Variants in NRROS observed in about 807,000 individuals in gnomAD.
NRROS encodes transforming growth factor beta activator LRRC33.
In NRROS, 6 loss-of-function variants were observed where a neutral mutation model predicts 12.0. The observed-to-expected ratio is 0.50, with a 90% CI of 0.27 to 0.98. The LOEUF is 0.98. Ranked by LOEUF, NRROS falls within the 50% of genes least tolerant of loss-of-function variation. The probability of loss-of-function intolerance (pLI) is 0.11; values close to 1 mark genes in which losing one functional copy is unlikely to be tolerated. For missense variants in NRROS, 857 were observed against 888.2 expected (o/e 0.96, Z 0.45); for synonymous variants, 462 against 410.2 (o/e 1.13, Z -1.53).
Position 196,660,328 on chromosome 3 carries a change from C to CG in NRROS, c.688dup (p.Val230GlyfsTer197). The CG allele has an allele frequency of 6.2e-7, 1 of 1,613,996 alleles. No individual in the cohort carries two copies. Among genetic ancestry groups the CG allele is most frequent in the Non-Finnish European group, 8.5e-7 (1 of 1,180,014 alleles). Reference sequence around the variant, plus strand: ...CGTGGACTTCGGGCTCACGCGGCTGCGGGTCCTCAACGTCAGCTACAACGT... The same window carrying CG: ...CGTGGACTTCGGGCTCACGCGGCTGCGGGGTCCTCAACGTCAGCTACAACGT... On this transcript the variant is annotated frameshift_variant, in exon 3 of 3. Transcript: ENST00000328557. LOFTEE classifies it low-confidence loss of function (END_TRUNC). The surrounding 1 kb of genome is among the most constrained non-coding windows in gnomAD (Gnocchi z 7.7).
At chr3:196,650,450 G>C (rs1417126304) in intron 1 of NRROS, among the ~76,000 whole-genome samples, 1 of 151,806 alleles carries the variant, frequency 6.6e-6, no homozygotes, top group African/African-American at 2.4e-5. Context: ...GGCCATTTTT[G>C]TATTTTTTTT....
chr3:196,658,742 A>G (rs976007488), intron 2 of NRROS, among the ~76,000 whole-genome samples: 1 of 152,188 alleles, frequency 6.6e-6, no homozygotes, highest in East Asian at 1.9e-4. Context: ...CGAGGCAGGC[A>G]GATCACCTGA....
At position 196,662,004 on chromosome 3, in the gene NRROS, A is replaced by C; in HGVS notation, c.*282A>C. 1 of 283,040 alleles carries C rather than the reference A, an allele frequency of 3.5e-6. No homozygotes were observed. Among genetic ancestry groups the C allele is most frequent in the Non-Finnish European group, 6.3e-6 (1 of 158,644 alleles). 17.5% of individuals were successfully genotyped at this position (283,040 alleles called of 1,614,324 possible). Reference sequence around the variant, plus strand: ...GTCTCATAAATATTTTTTAAATTAAATGCAGCTTGTGTTTTTTTTTATTGT... The same window carrying C: ...GTCTCATAAATATTTTTTAAATTAACTGCAGCTTGTGTTTTTTTTTATTGT... On this transcript the variant is annotated 3_prime_UTR_variant, in exon 3 of 3. Transcript: ENST00000328557.
chr3:196,650,987 G>A (rs1160051756), intron 1 of NRROS, among the ~76,000 whole-genome samples: 3 of 152,198 alleles, frequency 2.0e-5, no homozygotes, highest in African/African-American at 7.2e-5. Flanking sequence ...GCACACTCTG[G>A]CTTAGATGCC....
chr3:196,660,319 A>G lies in NRROS; in HGVS notation c.676A>G (p.Thr226Ala). 6.2e-7 allele frequency: 1 copy of G among 1,613,948 alleles called. No homozygotes were observed. Among genetic ancestry groups the G allele is most frequent in the Non-Finnish European group, 8.5e-7 (1 of 1,179,976 alleles). Residue 226 changes from threonine to alanine, a missense_variant, in exon 3 of 3, where the codon ACG becomes GCG. Transcript: ENST00000328557. The surrounding 1 kb of genome is among the most constrained non-coding windows in gnomAD (Gnocchi z 7.7). ...CCCCTGCATCGTGGACTTCGGGCTCACGCGGCTGCGGGTCCTCAACGTCAG... is the reference window on the plus strand; with the variant it reads ...CCCCTGCATCGTGGACTTCGGGCTCGCGCGGCTGCGGGTCCTCAACGTCAG... ...NLPCIVDFGL[T>A]RLRVLNVSYN...
intron 1 of NRROS, among the ~76,000 whole-genome samples, chr3:196,640,325 C>T (rs556919200): frequency 2.6e-5 from 4 of 152,288 alleles, no homozygotes; most frequent in African/African-American, 9.6e-5. Context: ...GCACTGGGCT[C>T]TCCTTTCCTG....
At chr3:196,643,073 C>CAA (rs10719005) in intron 1 of NRROS, among the ~76,000 whole-genome samples, 1 of 129,366 alleles carries the variant, frequency 7.7e-6, no homozygotes, top group Non-Finnish European at 1.7e-5. Flanking sequence ...AATTCTGTCT[C>CAA]AAAAAAAAAA....
rs1737670688 is a variant in NRROS, at chr3:196,661,234, G to C, written c.1591G>C (p.Asp531His). The C allele has an allele frequency of 3.1e-6, 5 of 1,614,012 alleles. No individual in the cohort carries two copies. The East Asian group carries it at 1.1e-4, about 36-fold the overall frequency. The change falls in exon 3 of 3, where the codon GAC becomes CAC. Residue 531 changes from aspartate to histidine, a missense_variant. Coordinates refer to ENST00000328557, the MANE Select transcript of NRROS (RefSeq NM_198565.3). ...MGLHSSFMAL[D>H]FSGFGNLRDL... ...CCTCCACTCCAGCTTTATGGCGTTGGACTTCTCTGGGTTTGGGAATCTCAG... is the reference window on the plus strand; with the variant it reads ...CCTCCACTCCAGCTTTATGGCGTTGCACTTCTCTGGGTTTGGGAATCTCAG...
chr3:196,651,969 G>A (rs562707676), intron 1 of NRROS, among the ~76,000 whole-genome samples: 73 of 152,234 alleles, frequency 4.8e-4, no homozygotes, highest in African/African-American at 1.6e-3. Flanking sequence ...TTTGTGACAG[G>A]TGACAGCAGT....
At chr3:196,648,927 A>G (rs547713123) in intron 1 of NRROS, among the ~76,000 whole-genome samples, 5 of 152,260 alleles carry the variant, frequency 3.3e-5, no homozygotes, top group Middle Eastern at 3.4e-3. Context: ...AGTCCAGGCC[A>G]GTTACCTTGC....
chr3:196,654,895 A>C lies in NRROS; in HGVS notation c.108+248A>C. On this transcript the variant is annotated intron_variant, in intron 2 of 2. Transcript: ENST00000328557. This position sits in a 1 kb window ranked among gnomAD's most constrained non-coding sequence, Gnocchi z 4.4. ...GCCTGCTGAGGATAGGAGGCATCCG[A>C]GACCAGCCTAGGGCATCCTCCCGGA... The C allele has an allele frequency of 2.2e-6, 1 of 453,856 alleles. No individual in the cohort carries two copies. Among genetic ancestry groups the C allele is most frequent in the African/African-American group, 2.0e-5 (1 of 49,572 alleles). The allele number at this position is 453,856 out of a possible 1,614,324, so 28.1% of individuals were successfully genotyped here.
At chr3:196,659,298 T>C (rs1291452392) in intron 2 of NRROS, among the ~76,000 whole-genome samples, 2 of 10,756 alleles carry the variant, frequency 1.9e-4, no homozygotes, top group African/African-American at 5.8e-4. Context: ...CTCAAGTCCT[T>C]TTTTTTTTTT....
chr3:196,651,107 A>G (rs2108638689), intron 1 of NRROS, among the ~76,000 whole-genome samples: 1 of 152,302 alleles, frequency 6.6e-6, no homozygotes, highest in East Asian at 1.9e-4. Context: ...GCAGAGAGAT[A>G]TGGCAAGAGG....
chr3:196,647,738 T>C (rs1440828780), intron 1 of NRROS, among the ~76,000 whole-genome samples: 1 of 152,218 alleles, frequency 6.6e-6, no homozygotes, highest in Non-Finnish European at 1.5e-5. Context: ...TTTGTATTTT[T>C]AGTAGAGACG....
chr3:196,649,776 T>C (rs2108638051), intron 1 of NRROS, among the ~76,000 whole-genome samples: 1 of 152,240 alleles, frequency 6.6e-6, no homozygotes, highest in East Asian at 1.9e-4. Context: ...GGCCAAAATA[T>C]TTGTTTCTAG....
rs944805821 is a variant in NRROS, at chr3:196,654,081, C to T, written c.-13-446C>T. ...GGACAGAGGCCCCCATCCGTGTTTC[C>T]GTCTCCGTCCACTCTCCAGTTGTTC... On this transcript the variant is annotated intron_variant, in intron 1 of 2. Transcript: ENST00000328557. This position sits in a 1 kb window ranked among gnomAD's most constrained non-coding sequence, Gnocchi z 4.4. 2.0e-5 allele frequency among the ~76,000 whole-genome samples: 3 copies of T among 152,200 alleles called. No individual in the cohort carries two copies. Among genetic ancestry groups the T allele is most frequent in the African/African-American group, 7.2e-5 (3 of 41,454 alleles).
At chr3:196,659,462 C>T (rs1737613830) in intron 2 of NRROS, among the ~76,000 whole-genome samples, 1 of 152,000 alleles carries the variant, frequency 6.6e-6, no homozygotes, top group African/African-American at 2.4e-5. Flanking sequence ...TGTCCACCAC[C>T]ACACCCGGCT....
chr3:196,640,521 T>A (rs1737186531), intron 1 of NRROS, among the ~76,000 whole-genome samples: 1 of 152,204 alleles, frequency 6.6e-6, no homozygotes, highest in African/African-American at 2.4e-5. Flanking sequence ...ACTGGGGCTC[T>A]GTGACTTGGA....
chr3:196,661,620 C>A lies in NRROS; in HGVS notation c.1977C>A (p.Ser659Arg). ...GLLYLVLILP[S>R]CLTLLVACTV... ...TCTACCTCGTGCTCATCCTCCCCAG[C>A]TGCCTCACCCTGCTGGTGGCCTGCA... Residue 659 changes from serine (S) to arginine (R), a missense_variant, in exon 3 of 3, where the codon AGC becomes AGA. Ser to Arg is a moderately radical substitution (Grantham distance 110, BLOSUM62 -1). Transcript: ENST00000328557. 1.9e-6 allele frequency: 3 copies of A among 1,612,828 alleles called. No individual in the cohort carries two copies. Among genetic ancestry groups the A allele is most frequent in the Non-Finnish European group, 2.5e-6 (3 of 1,180,018 alleles).
Sources: allele counts gnomAD v4.1 joint callset (sites outside exome capture counted in the v4.1 genomes callset), GRCh38; gene constraint gnomAD v4.1.1; non-coding constraint Gnocchi (gnomAD v3.1); transcripts MANE v1.5; gene names NCBI Gene and HGNC (gene_info 2026-07-23, HGNC 2026-07-21).